LRP1: variants seen among roughly 807,000 people sequenced by gnomAD.
LRP1 encodes the protein prolow-density lipoprotein receptor-related protein 1.
A neutral mutation model predicts 541.5 loss-of-function variants in LRP1; 51 were observed. That is an observed-to-expected ratio of 0.09 (90% CI 0.08 to 0.12). LRP1 has a LOEUF of 0.12. Ranked by LOEUF, LRP1 falls within the 10% of genes least tolerant of loss-of-function variation. The pLI, the probability that LRP1 is intolerant of heterozygous loss-of-function variation, is 1.00. For synonymous variants in LRP1, 2,219 were observed against 2,470.8 expected (o/e 0.90, Z 3.02); for missense variants, 3,878 against 6,376.2 (o/e 0.61, Z 13.34).
rs781154528 is a variant in LRP1, at chr12:57,178,429, C to T, written c.4432C>T (p.Leu1478=). Reference sequence around the variant, plus strand: ...GGAGGTGCTTCGGGGACACGAGTTCCTGTCGCACCCGTTTGCAGTGACGCT... The same window carrying T: ...GGAGGTGCTTCGGGGACACGAGTTCTTGTCGCACCCGTTTGCAGTGACGCT... ...HMEVLRGHEF[L]SHPFAVTLYG... The change falls in exon 27 of 89, where the codon CTG becomes TTG. Residue 1478 remains leucine, a synonymous_variant. Coordinates refer to ENST00000243077, the MANE Select transcript of LRP1 (RefSeq NM_002332.3). The surrounding 1 kb of genome is among the most constrained non-coding windows in gnomAD (Gnocchi z 5.8). 6.2e-7 allele frequency: 1 copy of T among 1,614,256 alleles called. No individual in the cohort carries two copies. The highest frequency in any genetic ancestry group is 1.1e-5 in the South Asian group (1 of 91,086).
chr12:57,147,390 GC>G (rs2035433101), intron 6 of LRP1: 1 of 152,518 alleles, frequency 6.6e-6, no homozygotes, highest in Admixed American at 6.5e-5. Flanking sequence ...CCCAGGAGAT[GC>G]TGACTGGCCT....
intron 12 of LRP1, 30 bp from the exon 13 acceptor site, chr12:57,160,863 C>T (rs1235730586): frequency 1.9e-6 from 3 of 1,578,954 alleles, no homozygotes. Flanking sequence ...CGGGGGTGCC[C>T]AGGTGATGCT....
Position 57,193,520 on chromosome 12 carries a change from T to C in LRP1, c.7685-46T>C, listed in dbSNP as rs35381293. 9,302 of 1,600,700 alleles carry C rather than the reference T, an allele frequency of 5.8e-3. 447 individuals are homozygous for C. In the African/African-American group the frequency reaches 0.1, roughly 18 times the overall value. ...CATGACGTCTCAGGGAGGCAGCCCTTTCCCTGTGCCTGTGGCTGACACGCA... is the reference window on the plus strand; with the variant it reads ...CATGACGTCTCAGGGAGGCAGCCCTCTCCCTGTGCCTGTGGCTGACACGCA... On this transcript the variant is annotated intron_variant, in intron 46 of 88. Transcript: ENST00000243077.
chr12:57,166,592 G>A (rs895497292), intron 17 of LRP1, among the ~76,000 whole-genome samples: 1 of 152,082 alleles, frequency 6.6e-6, no homozygotes, highest in Non-Finnish European at 1.5e-5. Flanking sequence ...AAAGAATTTA[G>A]GGCAGAGGGG....
In LRP1 at chr12:57,175,530, T is replaced by C; in HGVS notation, c.3618T>C (p.Cys1206=). 6.2e-7 allele frequency: 1 copy of C among 1,614,198 alleles called. No homozygotes were observed. The highest frequency in any genetic ancestry group is 8.5e-7 in the Non-Finnish European group (1 of 1,180,036). Residue 1206 remains cysteine (C), a synonymous_variant, in exon 23 of 89, where the codon TGT becomes TGC. Coordinates refer to ENST00000243077, the MANE Select transcript of LRP1 (RefSeq NM_002332.3). ...CSVAPGEGIV[C]SCPLGMELGP... The stretch of plus-strand genomic sequence containing the variant: ...TGGCACCTGGCGAAGGCATTGTGTG[T>C]TCCTGCCCTCTGGGCATGGAGCTGG...
chr12:57,182,560 T>C (rs1401553731), intron 34 of LRP1, among the ~76,000 whole-genome samples: 2 of 148,808 alleles, frequency 1.3e-5, no homozygotes, highest in African/African-American at 5.0e-5. Context: ...CTCATGCCTG[T>C]GATCCCAGCA....
At chr12:57,199,750 C>G (rs2036609086) in intron 61 of LRP1, 127 bp from the exon 62 acceptor site, 1 of 1,167,158 alleles carries the variant, frequency 8.6e-7, no homozygotes. Flanking sequence ...CTCCTATCTC[C>G]AGCTTCAGCT....
intron 76 of LRP1, among the ~76,000 whole-genome samples, chr12:57,207,285 G>A (rs1158986736): frequency 5.4e-5 from 6 of 110,506 alleles, no homozygotes; most frequent in Admixed American, 3.4e-4. Flanking sequence ...TAAATAAATA[G>A]AGACTCGGTC....
chr12:57,212,316 A>G lies in LRP1; in HGVS notation c.13494+55A>G. On this transcript the variant is annotated intron_variant, in intron 88 of 88. Transcript: ENST00000243077. This position sits in a 1 kb window ranked among gnomAD's most constrained non-coding sequence, Gnocchi z 5.0. Reference sequence around the variant, plus strand: ...CCAAGAGGCCGTGGGTGGCCTAACCAAAGGTGTTGGGTTAGGTGAGGGACG... The same window carrying G: ...CCAAGAGGCCGTGGGTGGCCTAACCGAAGGTGTTGGGTTAGGTGAGGGACG... The G allele has an allele frequency of 6.2e-7, 1 of 1,612,106 alleles. No homozygotes were observed. Among genetic ancestry groups the G allele is most frequent in the Non-Finnish European group, 8.5e-7 (1 of 1,178,690 alleles).
chr12:57,190,789 G>A lies in LRP1; in HGVS notation c.7032-16G>A. 6.2e-7 allele frequency: 1 copy of A among 1,611,768 alleles called. No individual in the cohort carries two copies. Among genetic ancestry groups the A allele is most frequent in the South Asian group, 1.1e-5 (1 of 91,002 alleles). On this transcript the variant is annotated splice_polypyrimidine_tract_variant and intron_variant, in intron 42 of 88. Transcript: ENST00000243077. ...CTCAGGCTTTGCCTCCTGATCTCTGGACCCTCTTCCCCCAGCCTCATGTTC... is the reference window on the plus strand; with the variant it reads ...CTCAGGCTTTGCCTCCTGATCTCTGAACCCTCTTCCCCCAGCCTCATGTTC...
Position 57,206,867 on chromosome 12 carries a change from G to A in LRP1, c.11859+126G>A. The A allele has an allele frequency of 8.9e-7, 1 of 1,119,786 alleles. No individual in the cohort carries two copies. The highest frequency in any genetic ancestry group is 1.3e-6 in the Non-Finnish European group (1 of 790,730). 69.4% of individuals were successfully genotyped at this position (1,119,786 alleles called of 1,614,324 possible). A position where few individuals can be genotyped will look rare whatever the true frequency, so the allele number is the denominator to read the frequency against. On this transcript the variant is annotated intron_variant, in intron 76 of 88. Transcript: ENST00000243077. The surrounding 1 kb of genome is among the most constrained non-coding windows in gnomAD (Gnocchi z 4.7). ...CACGCCTATAATCCCAGCACTTTGG[G>A]AGGCCAAGGCGGGCAGATCACCTGA...
Position 57,129,031 on chromosome 12 carries a change from GGTGA to G in LRP1, c.67+6_67+9del. ...AGCTCTGGTCGCGGCGGCTATCGAC[GGTGA>G]GTGAGATTCCGCGTCCCCCTTGGAC... On this transcript the variant is annotated splice_donor_variant and splice_donor_region_variant and intron_variant, in intron 1 of 88. Coordinates refer to ENST00000243077, the MANE Select transcript of LRP1 (RefSeq NM_002332.3). LOFTEE classifies it high-confidence loss of function. The G allele has an allele frequency of 1.3e-6, 2 of 1,551,434 alleles. No homozygotes were observed. The highest frequency in any genetic ancestry group is 1.7e-6 in the Non-Finnish European group (2 of 1,146,842).
intron 4 of LRP1, 100 bp downstream of exon 4, chr12:57,143,898 G>A: frequency 7.0e-7 from 1 of 1,426,134 alleles, no homozygotes. Flanking sequence ...GCTGGAATAA[G>A]AAACTAGAAG....
In LRP1 at chr12:57,175,561, G is replaced by A. The variant is rs746897847; in HGVS notation, c.3649G>A (p.Asp1217Asn). Residue 1217 changes from aspartate (D) to asparagine (N), a missense_variant, in exon 23 of 89, where the codon GAC becomes AAC. Physicochemically the swap from Asp to Asn is conservative, Grantham distance 23. Around this residue, in one of 13 missense-constraint regions of LRP1, gnomAD observed 320 missense variants for 547.9 expected, o/e 0.58. Coordinates refer to ENST00000243077, the MANE Select transcript of LRP1 (RefSeq NM_002332.3). Reference sequence around the variant, plus strand: ...CCCTCTGGGCATGGAGCTGGGGCCCGACAACCACACCTGCCAGATCCAGAG... The same window carrying A: ...CCCTCTGGGCATGGAGCTGGGGCCCAACAACCACACCTGCCAGATCCAGAG... ...SCPLGMELGP[D>N]NHTCQIQSYC... The A allele has an allele frequency of 1.7e-5, 27 of 1,614,014 alleles. No individual in the cohort carries two copies. Among genetic ancestry groups the A allele is most frequent in the South Asian group, 1.1e-5 (1 of 91,084 alleles).
chr12:57,153,464 C>T lies in LRP1; in HGVS notation c.842-744C>T, dbSNP rs545504782. Among the ~76,000 whole-genome samples the T allele has an allele frequency of 5.3e-5, 8 of 152,306 alleles. No homozygotes were observed. In the East Asian group the frequency reaches 1.2e-3, roughly 22 times the overall value. On this transcript the variant is annotated intron_variant, in intron 6 of 88. Coordinates refer to ENST00000243077, the MANE Select transcript of LRP1 (RefSeq NM_002332.3). ...AGCCCCATCTCTTTCTGAGCCATGCCTCAGTTTGCCCTGAGGATTCTTTCA... is the reference window on the plus strand; with the variant it reads ...AGCCCCATCTCTTTCTGAGCCATGCTTCAGTTTGCCCTGAGGATTCTTTCA...
At chr12:57,163,398 G>A (rs1176157854) in intron 15 of LRP1, among the ~76,000 whole-genome samples, 1 of 152,076 alleles carries the variant, frequency 6.6e-6, no homozygotes, top group African/African-American at 2.4e-5. Context: ...GGTCAACAAG[G>A]CAAAACCCCA....
rs978814784 is a variant in LRP1 at position 57,159,715 on chromosome 12, C to T, written c.1799-110C>T. The T allele has an allele frequency of 3.4e-5, 36 of 1,065,970 alleles. 1 individual carries two copies. The highest frequency in any genetic ancestry group is 4.8e-5 in the Non-Finnish European group (34 of 706,768). 66.0% of individuals were successfully genotyped at this position (1,065,970 alleles called of 1,614,324 possible). On this transcript the variant is annotated intron_variant, in intron 11 of 88. Transcript: ENST00000243077. ...CTAGGGCCCCAGAGGGTCCCTGCAC[C>T]CCTCTGTAGCCCAGACTGCTCAAAG...
intron 76 of LRP1, among the ~76,000 whole-genome samples, chr12:57,207,278 A>ATAAAT (rs1555188449): frequency 4.3e-5 from 6 of 139,170 alleles, no homozygotes; most frequent in Non-Finnish European, 9.2e-5. Flanking sequence ...AAATAAATAA[A>ATAAAT]TAAATAGAGA....
intron 6 of LRP1, among the ~76,000 whole-genome samples, chr12:57,148,156 C>CT (rs760101626): frequency 0.085 from 11,151 of 130,658 alleles, 672 homozygotes; most frequent in East Asian, 0.25. Flanking sequence ...CCTGGACAAG[C>CT]TTTTTTTTTT....
Sources: allele counts gnomAD v4.1 joint callset (sites outside exome capture counted in the v4.1 genomes callset), GRCh38; gene constraint gnomAD v4.1.1; regional missense constraint gnomAD v4.1.1; non-coding constraint Gnocchi (gnomAD v3.1); transcripts MANE v1.5; gene names NCBI Gene and HGNC (gene_info 2026-07-23, HGNC 2026-07-21).